CENPO: variants seen among roughly 807,000 people sequenced by gnomAD.
CENPO encodes centromeric protein O.
A neutral mutation model predicts 36.1 loss-of-function variants in CENPO; 30 were observed. The observed-to-expected ratio is 0.83, with a 90% CI of 0.62 to 1.13. The LOEUF (loss-of-function observed/expected upper bound fraction) is 1.13, where lower values mean the gene tolerates loss of function less well. CENPO is among the 50% of genes most tolerant of loss of function. The pLI is 0.00. For missense variants in CENPO, 349 were observed against 357.8 expected (o/e 0.98, Z 0.20); for synonymous variants, 171 against 142.3 (o/e 1.20, Z -1.44).
At chr2:24,796,676 A>G (rs901368670) in intron 2 of CENPO, among the ~76,000 whole-genome samples, 10 of 152,136 alleles carry the variant, frequency 6.6e-5, no homozygotes, top group African/African-American at 2.4e-4. Context: ...CAAAAAAACT[A>G]TAGTATTGTC....
At position 24,815,517 on chromosome 2, in the gene CENPO, A is replaced by G. The variant is rs769651735; in HGVS notation, c.355A>G (p.Ser119Gly). The G allele has an allele frequency of 6.2e-7, 1 of 1,613,952 alleles. No individual in the cohort carries two copies. The highest frequency in any genetic ancestry group is 8.5e-7 in the Non-Finnish European group (1 of 1,179,798). Reference protein sequence around the residue: ...HFTGLSGKLTSRGVCVCISTA... With the variant: ...HFTGLSGKLTGRGVCVCISTA... ...CTCAGGCCTCAGTGGTAAACTGACC[A>G]GCCGAGGAGTTTGTGTCTGCATCAG... Residue 119 changes from serine (S) to glycine (G), a missense_variant, in exon 5 of 8, where the codon AGC becomes GGC. Physicochemically the swap from Ser to Gly is moderately conservative, Grantham distance 56 (BLOSUM62 0). Transcript: ENST00000380834.
Position 24,822,312 on chromosome 2 carries a change from G to C in CENPO, c.*2994G>C, listed in dbSNP as rs1572774505. 1.5e-6 allele frequency: 1 copy of C among 687,490 alleles called. No individual in the cohort carries two copies. 42.6% of individuals were successfully genotyped at this position (687,490 alleles called of 1,614,324 possible). On this transcript the variant is annotated 3_prime_UTR_variant, in exon 8 of 8. Transcript: ENST00000380834. Reference sequence around the variant, plus strand: ...AGGCCTGAGCTGTGAACAGCAGGGGGTTGTGTGTCTGTTCTGTTTCTCTGC... The same window carrying C: ...AGGCCTGAGCTGTGAACAGCAGGGGCTTGTGTGTCTGTTCTGTTTCTCTGC...
chr2:24,821,028 TTGTTAGG>T lies in CENPO; in HGVS notation c.*1714_*1720del, dbSNP rs1423330512. 2 of 890,696 alleles carry T rather than the reference TTGTTAGG, an allele frequency of 2.2e-6. No homozygotes were observed. Among genetic ancestry groups the T allele is most frequent in the Non-Finnish European group, 3.3e-6 (2 of 610,340 alleles). 55.2% of individuals were successfully genotyped at this position (890,696 alleles called of 1,614,324 possible). On this transcript the variant is annotated 3_prime_UTR_variant, in exon 8 of 8. Coordinates refer to ENST00000380834, the MANE Select transcript of CENPO (RefSeq NM_001322101.2). The stretch of plus-strand genomic sequence containing the variant: ...TCACATCTCCTGTTTATCCGTGTGC[TTGTTAGG>T]TGTCAGCCGCCACCCCCCCCCCATA...
chr2:24,815,963 T>G (rs1445925127), intron 5 of CENPO: 1 of 574,440 alleles, frequency 1.7e-6, no homozygotes, highest in East Asian at 3.0e-5. Flanking sequence ...GGGTACTGGT[T>G]AAAGGATTAT....
In CENPO at chr2:24,820,190, G is replaced by A. The variant is rs568187997; in HGVS notation, c.*872G>A. 1.5e-5 allele frequency: 20 copies of A among 1,303,898 alleles called. No individual in the cohort carries two copies. Among genetic ancestry groups the A allele is most frequent in the Admixed American group, 2.5e-5 (1 of 39,872 alleles). The allele number at this position is 1,303,898 out of a possible 1,614,324, so 80.8% of individuals were successfully genotyped here. The stretch of plus-strand genomic sequence containing the variant: ...TGAGGGCGGGTGGGGGCTTTGGGTG[G>A]TTGGAGCCGAGCACTGATCCATGGG... On this transcript the variant is annotated 3_prime_UTR_variant, in exon 8 of 8. Coordinates refer to ENST00000380834, the MANE Select transcript of CENPO (RefSeq NM_001322101.2).
At position 24,819,703 on chromosome 2, in the gene CENPO, A is replaced by C; in HGVS notation, c.*385A>C. The C allele has an allele frequency of 6.3e-6, 3 of 478,536 alleles. No individual in the cohort carries two copies. The highest frequency in any genetic ancestry group is 7.4e-6 in the Non-Finnish European group (2 of 271,682). 29.6% of individuals were successfully genotyped at this position (478,536 alleles called of 1,614,324 possible). ...GGATTGGAACGAGGGCTCTGGAAGGACTGTTCAGCCCTATGCCTAAGACCC... is the reference window on the plus strand; with the variant it reads ...GGATTGGAACGAGGGCTCTGGAAGGCCTGTTCAGCCCTATGCCTAAGACCC... On this transcript the variant is annotated 3_prime_UTR_variant, in exon 8 of 8. Coordinates refer to ENST00000380834, the MANE Select transcript of CENPO (RefSeq NM_001322101.2).
intron 3 of CENPO, among the ~76,000 whole-genome samples, chr2:24,804,723 TG>T (rs945421777): frequency 6.6e-6 from 1 of 152,214 alleles, no homozygotes; most frequent in African/African-American, 2.4e-5. Flanking sequence ...CTTCCCTTTG[TG>T]GGTAGCCCGA....
rs2148296233 is a variant in CENPO at position 24,817,786 on chromosome 2, GAT to G, written c.886_887del (p.Met296GlufsTer19). On this transcript the variant is annotated frameshift_variant, in exon 7 of 8. Coordinates refer to ENST00000380834, the MANE Select transcript of CENPO (RefSeq NM_001322101.2). LOFTEE classifies it high-confidence loss of function. Reference protein sequence around the residue: ...ASFTRKGEKLDMSLVS With the variant: ...ASFTRKGEKLXMSLVS ...ATTTACAAGAAAAGGAGAAAAGTTG[GAT>G]ATGAGTCTGGTCTCCTAATAGATTG... is the stretch of plus-strand genomic sequence containing the variant. 6.2e-7 allele frequency: 1 copy of G among 1,614,150 alleles called. No individual in the cohort carries two copies. Among genetic ancestry groups the G allele is most frequent in the South Asian group, 1.1e-5 (1 of 91,080 alleles).
intron 3 of CENPO, among the ~76,000 whole-genome samples, chr2:24,808,279 C>T (rs1006382282): frequency 3.9e-5 from 6 of 152,040 alleles, no homozygotes; most frequent in East Asian, 1.9e-4. Context: ...TGCAGTGGCA[C>T]GATCCGGCAC....
In CENPO at chr2:24,793,928, G is replaced by A. The variant is rs779913431; in HGVS notation, c.9G>A (p.Gln3=). 6.2e-6 allele frequency: 10 copies of A among 1,614,060 alleles called. No homozygotes were observed. The African/African-American group carries it at 1.3e-4, about 22-fold the overall frequency. The change falls in exon 2 of 8, where the codon CAG becomes CAA. Residue 3 remains glutamine (Q), a synonymous_variant. Transcript: ENST00000380834. The part of the protein sequence containing the change: ME[Q]ANPLRPDGES... The stretch of plus-strand genomic sequence containing the variant: ...GCCCTTGGGAATCTGAGATGGAGCA[G>A]GCGAACCCTTTACGTCCAGATGGCG...
chr2:24,804,434 C>T (rs1352335235), intron 3 of CENPO, among the ~76,000 whole-genome samples: 1 of 152,182 alleles, frequency 6.6e-6, no homozygotes, highest in African/African-American at 2.4e-5. Context: ...CTGGTCTTTA[C>T]AATTTGGCAT....
At chr2:24,797,572 C>A (rs960707899) in intron 2 of CENPO, among the ~76,000 whole-genome samples, 2 of 152,124 alleles carry the variant, frequency 1.3e-5, no homozygotes, top group African/African-American at 4.8e-5. Flanking sequence ...GCCTTCAAAG[C>A]AGAAAGTGGG....
In CENPO at chr2:24,821,424, G is replaced by A; in HGVS notation, c.*2106G>A. On this transcript the variant is annotated 3_prime_UTR_variant, in exon 8 of 8. Coordinates refer to ENST00000380834, the MANE Select transcript of CENPO (RefSeq NM_001322101.2). ...GAACCTCCCCACCCGAATTGCCTCA[G>A]TTGTCCTGAGCCTCATGTCTCTCCT... 9 of 1,540,364 alleles carry A rather than the reference G, an allele frequency of 5.8e-6. No homozygotes were observed. Among genetic ancestry groups the A allele is most frequent in the Non-Finnish European group, 7.9e-6 (9 of 1,137,006 alleles).
chr2:24,811,362 A>G (rs1572738995), intron 3 of CENPO, among the ~76,000 whole-genome samples: 1 of 142,834 alleles, frequency 7.0e-6, no homozygotes. Flanking sequence ...GCTCACTGCA[A>G]CCTCCGCCTC....
At chr2:24,810,546 C>T (rs1323681038) in intron 3 of CENPO, among the ~76,000 whole-genome samples, 9 of 121,566 alleles carry the variant, frequency 7.4e-5, no homozygotes, top group South Asian at 2.5e-4. Flanking sequence ...TTGCTCTTGT[C>T]GCCCAGGCTG....
intron 7 of CENPO, among the ~76,000 whole-genome samples, chr2:24,818,250 A>C (rs777961115): frequency 2.0e-5 from 3 of 152,212 alleles, no homozygotes; most frequent in Non-Finnish European, 4.4e-5. Flanking sequence ...AAATTTTCAG[A>C]AAGGGCTCTC....
intron 3 of CENPO, among the ~76,000 whole-genome samples, chr2:24,810,159 T>C (rs1445097181): frequency 6.6e-6 from 1 of 152,222 alleles, no homozygotes; most frequent in African/African-American, 2.4e-5. Context: ...TTTCCCCTTT[T>C]ATTCTATGTT....
chr2:24,819,801 A>G lies in CENPO; in HGVS notation c.*483A>G, dbSNP rs1667269177. The G allele has an allele frequency of 3.1e-6, 3 of 978,112 alleles. No individual in the cohort carries two copies. The South Asian group carries it at 5.1e-5, about 17-fold the overall frequency. 60.6% of individuals were successfully genotyped at this position (978,112 alleles called of 1,614,324 possible). On this transcript the variant is annotated 3_prime_UTR_variant, in exon 8 of 8. Coordinates refer to ENST00000380834, the MANE Select transcript of CENPO (RefSeq NM_001322101.2). ...TCAGAGCTCACACATCCACGAACAA[A>G]TGAAGGCTGAGGAGGTTTCTAAACC...
chr2:24,795,336 G>A (rs1448999785), intron 2 of CENPO, among the ~76,000 whole-genome samples: 1 of 152,226 alleles, frequency 6.6e-6, no homozygotes, highest in Non-Finnish European at 1.5e-5. Flanking sequence ...GGAAGGACAT[G>A]GAGTTGTAGT....
Sources: allele counts gnomAD v4.1 joint callset (sites outside exome capture counted in the v4.1 genomes callset), GRCh38; gene constraint gnomAD v4.1.1; transcripts MANE v1.5; gene names NCBI Gene and HGNC (gene_info 2026-07-23, HGNC 2026-07-21).